SECISBP2: variants seen among roughly 807,000 people sequenced by gnomAD.
SECISBP2 encodes selenocysteine insertion sequence-binding protein 2.
A neutral mutation model predicts 98.2 loss-of-function variants in SECISBP2; 96 were observed. The ratio of observed to expected loss-of-function variants is 0.98; its 90% CI spans 0.83 to 1.16. SECISBP2 has a LOEUF of 1.16. Among genes scored for constraint, SECISBP2 ranks in the 50% most tolerant of loss-of-function variants. SECISBP2 has a pLI of 0.00. For synonymous variants in SECISBP2, 407 were observed against 370.2 expected (o/e 1.10, Z -1.14); for missense variants, 1,046 against 1,022.9 (o/e 1.02, Z -0.31).
At chr9:89,323,034 G>A (rs997820474) in intron 2 of SECISBP2, 1 of 152,178 alleles carries the variant, frequency 6.6e-6, no homozygotes, top group African/African-American at 2.4e-5. Flanking sequence ...AACTACATGA[G>A]AGAACTGTTG....
At chr9:89,320,281 G>C (rs1825512250) in intron 2 of SECISBP2, among the ~76,000 whole-genome samples, 1 of 149,808 alleles carries the variant, frequency 6.7e-6, no homozygotes, top group South Asian at 2.1e-4. Context: ...CTTTGAACCT[G>C]GGAGGCAGAG....
chr9:89,366,666 GC>G, the SECISBP2 span, among the ~76,000 whole-genome samples: 1 of 152,196 alleles, frequency 6.6e-6, no homozygotes, highest in African/African-American at 2.4e-5. Context: ...ACATCTAGGT[GC>G]CCATCAACTG....
In SECISBP2 at chr9:89,359,613, A is replaced by G. The variant is rs931094387; in HGVS notation, c.*789A>G. The stretch of plus-strand genomic sequence containing the variant: ...ATTTTCCCTGTAAGTAAGAGGGCTT[A>G]TTTATTTTAAATAAAGAGTAATTAT... On this transcript the variant is annotated 3_prime_UTR_variant, in exon 17 of 17. Transcript: ENST00000375807. The G allele has an allele frequency of 1.3e-5, 2 of 152,000 alleles. No homozygotes were observed. The highest frequency in any genetic ancestry group is 4.8e-5 in the African/African-American group (2 of 41,386). The allele number at this position is 152,000 out of a possible 1,614,324, so 9.4% of individuals were successfully genotyped here. A position where few individuals can be genotyped will look rare whatever the true frequency, so the allele number is the denominator to read the frequency against.
At chr9:89,355,530 A>G (rs1564448020) in intron 14 of SECISBP2, 6 of 977,628 alleles carry the variant, frequency 6.1e-6, no homozygotes, top group African/African-American at 3.5e-5. Flanking sequence ...TACCTTTTTT[A>G]TAAGTTAGCC....
chr9:89,331,680 C>A (rs1344332987), intron 5 of SECISBP2, among the ~76,000 whole-genome samples: 1 of 152,182 alleles, frequency 6.6e-6, no homozygotes, highest in African/African-American at 2.4e-5. Context: ...CATTTGTTGT[C>A]TTTGTAGACA....
At chr9:89,361,980 A>C, downstream of SECISBP2, 1 of 264,396 alleles carries the variant, frequency 3.8e-6, no homozygotes, top group East Asian at 7.9e-5. Flanking sequence ...CCTGTTGGCT[A>C]TTAGGGGGTG....
chr9:89,351,721 A>G (rs891583399), intron 14 of SECISBP2, among the ~76,000 whole-genome samples: 15 of 152,224 alleles, frequency 9.9e-5, no homozygotes, highest in African/African-American at 3.6e-4. Flanking sequence ...GCCCCCAGCC[A>G]GCAGCTCGTC....
chr9:89,329,406 C>G (rs1827357282), intron 5 of SECISBP2: 1 of 161,442 alleles, frequency 6.2e-6, no homozygotes, highest in Non-Finnish European at 1.3e-5. Context: ...GTGAGCCACC[C>G]ACGCCACTGT....
chr9:89,357,621 C>T, intron 15 of SECISBP2, 56 bp downstream of exon 15: 1 of 1,606,380 alleles, frequency 6.2e-7, no homozygotes, highest in East Asian at 2.2e-5. Flanking sequence ...GAAGTGGGGG[C>T]AGGTGGTCAG....
rs1826028044 is a variant in SECISBP2 at position 89,322,780 on chromosome 9, A to G, written c.183-2647A>G. ...GGGTCGTTGCCTGACTGAAGGGACCATGTGCATGATATGTTTGGGAGATAG... is the reference window on the plus strand; with the variant it reads ...GGGTCGTTGCCTGACTGAAGGGACCGTGTGCATGATATGTTTGGGAGATAG... On this transcript the variant is annotated intron_variant, in intron 2 of 16. Coordinates refer to ENST00000375807, the MANE Select transcript of SECISBP2 (RefSeq NM_024077.5). 3 of 152,240 alleles carry G rather than the reference A, an allele frequency of 2.0e-5. No individual in the cohort carries two copies. The South Asian group carries it at 6.2e-4, about 32-fold the overall frequency. 9.4% of individuals were successfully genotyped at this position (152,240 alleles called of 1,614,324 possible). A position where few individuals can be genotyped will look rare whatever the true frequency, so the allele number is the denominator to read the frequency against.
chr9:89,345,580 T>C (rs1319524234), intron 10 of SECISBP2, among the ~76,000 whole-genome samples: 1 of 152,172 alleles, frequency 6.6e-6, no homozygotes, highest in East Asian at 1.9e-4. Context: ...CGTGGTTGTT[T>C]TTGTGGGAGG....
At chr9:89,356,874 C>G (rs1286584520) in intron 14 of SECISBP2, 2 of 195,932 alleles carry the variant, frequency 1.0e-5, no homozygotes, top group East Asian at 2.5e-4. Context: ...AGGAGTACTT[C>G]TCAGGTGCTG....
Position 89,328,692 on chromosome 9 carries a change from A to G in SECISBP2, c.607A>G (p.Arg203Gly), listed in dbSNP as rs779144745. ...GYHKRTDRKS[R>G]IIAKNVSTSK... ...CCATAAGCGAACAGACAGGAAATCC[A>G]GAATCATTGCAAAAAATGTATCTAC... is the stretch of plus-strand genomic sequence containing the variant. The change falls in exon 5 of 17, where the codon AGA (arginine) becomes GGA (glycine). Residue 203 changes from arginine to glycine, a missense_variant. Transcript: ENST00000375807. 1 of 1,614,190 alleles carries G rather than the reference A, an allele frequency of 6.2e-7. No homozygotes were observed. Among genetic ancestry groups the G allele is most frequent in the Admixed American group, 1.7e-5 (1 of 60,028 alleles).
downstream of SECISBP2, chr9:89,361,315 C>T (rs984913123): frequency 1.3e-5 from 2 of 152,218 alleles, no homozygotes; most frequent in African/African-American, 4.8e-5. Flanking sequence ...ATTTGTCCAG[C>T]TCCAGAAAGA....
chr9:89,344,575 C>G (rs1373153200), intron 10 of SECISBP2, among the ~76,000 whole-genome samples: 1 of 152,178 alleles, frequency 6.6e-6, no homozygotes, highest in Non-Finnish European at 1.5e-5. Context: ...AGTCCTTTCC[C>G]CATTGCTTGT....
rs1036035224 is a variant in SECISBP2, at chr9:89,348,088, A to G, written c.1612A>G (p.Lys538Glu). The G allele has an allele frequency of 8.7e-6, 14 of 1,613,156 alleles. 1 individual carries two copies. The Admixed American group carries it at 1.5e-4, about 17-fold the overall frequency. The change falls in exon 12 of 17, where the codon AAA (lysine) becomes GAA (glutamate). Residue 538 changes from lysine (K) to glutamate (E), a missense_variant. Physicochemically the swap from Lys to Glu is moderately conservative, Grantham distance 56. Transcript: ENST00000375807. ...KPTSLKKIIL[K>E]ERQERKQRLQ... is the part of the protein sequence containing the mutation. Reference sequence around the variant, plus strand: ...TTATTTAATTTTTAAGATTATTTTGAAAGAACGGCAAGAGAGAAAGCAGCG... The same window carrying G: ...TTATTTAATTTTTAAGATTATTTTGGAAGAACGGCAAGAGAGAAAGCAGCG...
chr9:89,355,083 G>A (rs1831865989), intron 14 of SECISBP2: 3 of 985,332 alleles, frequency 3.0e-6, no homozygotes, highest in Non-Finnish European at 3.6e-6. Context: ...AAGGGCTGTG[G>A]GTTTAGAAAT....
chr9:89,347,960 T>C (rs1830676636), intron 11 of SECISBP2, 119 bp from the exon 12 acceptor site: 2 of 971,076 alleles, frequency 2.1e-6, no homozygotes, highest in Non-Finnish European at 3.2e-6. Flanking sequence ...ACTTGGCTGC[T>C]CTCAGGGCAC....
chr9:89,337,306 A>G (rs1020564722), intron 7 of SECISBP2, among the ~76,000 whole-genome samples: 3 of 152,244 alleles, frequency 2.0e-5, no homozygotes, highest in African/African-American at 4.8e-5. Context: ...TGCATTTTAC[A>G]TAGCTGGAGT....
Sources: allele counts gnomAD v4.1 joint callset (sites outside exome capture counted in the v4.1 genomes callset), GRCh38; gene constraint gnomAD v4.1.1; transcripts MANE v1.5; gene names NCBI Gene and HGNC (gene_info 2026-07-23, HGNC 2026-07-21).